ESRRB: variants seen among roughly 807,000 people sequenced by gnomAD.
The protein encoded by ESRRB is estrogen related receptor beta.
Under a neutral mutation model 46.0 loss-of-function variants are expected in ESRRB, and 16 were observed. The observed-to-expected ratio is 0.35, with a 90% confidence interval of 0.24 to 0.53. ESRRB has a LOEUF of 0.53. ESRRB is among the 20% of genes least tolerant of loss of function. ESRRB has a pLI of 0.93. For synonymous variants in ESRRB, 246 were observed against 259.6 expected (o/e 0.95, Z 0.50); for missense variants, 488 against 607.4 (o/e 0.80, Z 2.07).
At chr14:76,460,112 A>G (rs55807234) in intron 2 of ESRRB, among the ~76,000 whole-genome samples, 21,710 of 152,200 alleles carry the variant, frequency 0.14, 2,507 homozygotes, top group African/African-American at 0.33. Flanking sequence ...AACATGGTTC[A>G]TGCTTGTTTC....
chr14:76,355,638 G>A (rs888072918), intron 1 of ESRRB, among the ~76,000 whole-genome samples: 1 of 152,090 alleles, frequency 6.6e-6, no homozygotes, highest in Non-Finnish European at 1.5e-5. Flanking sequence ...TACAATGCTG[G>A]GCAGTAATAA....
intron 1 of ESRRB, among the ~76,000 whole-genome samples, chr14:76,326,727 G>A (rs930790428): frequency 8.5e-5 from 13 of 152,192 alleles, no homozygotes; most frequent in African/African-American, 3.1e-4. Context: ...GGGGCTGCAC[G>A]ACTCCCTCCT....
rs371316389 is a variant in ESRRB at position 76,360,288 on chromosome 14, G to A, written c.2+49372G>A. Among the ~76,000 whole-genome samples, 208 of 152,248 alleles carry A rather than the reference G, an allele frequency of 1.4e-3. 3 individuals are homozygous for A. In the South Asian group the frequency reaches 0.042, roughly 31 times the overall value. ...TGGTACAGCCATGCACCTTTCTAGG[G>A]TTCCTAGTGGAACCACTGGATTTCC... On this transcript the variant is annotated intron_variant, in intron 1 of 6. Transcript: ENST00000512784.
At chr14:76,367,030 T>A (rs7156267), upstream of ESRRB, among the ~76,000 whole-genome samples, 5,704 of 152,260 alleles carry the variant, frequency 0.037, 151 homozygotes, top group East Asian at 0.12. Context: ...ACTGGCTGTT[T>A]GACTTAGCCC....
chr14:76,381,435 G>A (rs1885012468), intron 1 of ESRRB, among the ~76,000 whole-genome samples: 1 of 152,194 alleles, frequency 6.6e-6, no homozygotes, highest in South Asian at 2.1e-4. Context: ...TCAGGGCAAT[G>A]ACTGGGAGAG....
chr14:76,390,089 C>T (rs553506336), intron 1 of ESRRB, among the ~76,000 whole-genome samples: 6 of 152,320 alleles, frequency 3.9e-5, no homozygotes, highest in East Asian at 1.9e-4. Flanking sequence ...GCACTGGCTC[C>T]GTCACATCCC....
At chr14:76,426,551 A>T (rs554239820) in intron 1 of ESRRB, among the ~76,000 whole-genome samples, 175 of 152,352 alleles carry the variant, frequency 1.1e-3, no homozygotes, top group Middle Eastern at 3.4e-3. Flanking sequence ...ATTAAATTAA[A>T]CTAAGACATG....
At chr14:76,373,334 C>T (rs1884668127), upstream of ESRRB, among the ~76,000 whole-genome samples, 1 of 152,088 alleles carries the variant, frequency 6.6e-6, no homozygotes, top group Admixed American at 6.5e-5. Flanking sequence ...CCCTGCCCAC[C>T]CCACTCCACC....
At position 76,438,529 on chromosome 14, in the gene ESRRB, C is replaced by T. The variant is rs577637084; in HGVS notation, c.51-812C>T. On this transcript the variant is annotated intron_variant, in intron 1 of 6. Transcript: ENST00000644823. ...AAATACAAAAATTAGCTGTGCATGA[C>T]GGCGGGTGCCTGTAATCCCAGCTAC... Among the ~76,000 whole-genome samples the T allele has an allele frequency of 7.2e-5, 11 of 152,108 alleles. No homozygotes were observed. In the East Asian group the frequency reaches 1.6e-3, roughly 21 times the overall value.
At chr14:76,473,101 C>G (rs1889436355) in intron 3 of ESRRB, among the ~76,000 whole-genome samples, 1 of 151,982 alleles carries the variant, frequency 6.6e-6, no homozygotes, top group Admixed American at 6.6e-5. Flanking sequence ...ACTTGGAGAT[C>G]TGAAAATCAA....
chr14:76,317,307 GCT>G (rs768647221), intron 1 of ESRRB, among the ~76,000 whole-genome samples: 365 of 125,316 alleles, frequency 2.9e-3, no homozygotes, highest in African/African-American at 4.6e-3. Context: ...TGCTGATTAG[GCT>G]CTGTGTGTGT....
intron 1 of ESRRB, among the ~76,000 whole-genome samples, chr14:76,344,261 A>C (rs1172822200): frequency 6.6e-6 from 1 of 152,178 alleles, no homozygotes; most frequent in Admixed American, 6.5e-5. Flanking sequence ...TTGTGCTTTT[A>C]TTTATTTTTA....
chr14:76,358,327 GAAAGAAAGAAAGAAAGAAAGAAAGA>G lies in ESRRB; in HGVS notation c.2+47414_2+47438del, dbSNP rs1884413541. Among the ~76,000 whole-genome samples the G allele has an allele frequency of 2.0e-3, 23 of 11,226 alleles. 4 individuals are homozygous for G. The highest frequency in any genetic ancestry group is 3.6e-3 in the Admixed American group (3 of 838). 7.4% of individuals were successfully genotyped at this position (11,226 alleles called of 152,430 possible). ...ACTCTGTCTCAAAAAAAAAAAAAAA[GAAAGAAAGAAAGAAAGAAAGAAAGA>G]AAGAAAGAAAGAAAGAAAGAAAGAA... On this transcript the variant is annotated intron_variant, in intron 1 of 6. Coordinates refer to the ESRRB transcript ENST00000512784.
chr14:76,314,737 CG>C lies in ESRRB; in HGVS notation c.2+3822del, dbSNP rs142482138. 8.7e-3 allele frequency among the ~76,000 whole-genome samples: 1,325 copies of C among 152,184 alleles called. 20 individuals carry two copies. Among genetic ancestry groups the C allele is most frequent in the African/African-American group, 0.031 (1,267 of 41,526 alleles). ...GCCAGAGAAGCAACTTGGCCAAGGT[CG>C]AGCAATGTCAAGGCCAAGCTGAGGT... On this transcript the variant is annotated intron_variant, in intron 1 of 6. Coordinates refer to the ESRRB transcript ENST00000512784.
chr14:76,373,675 A>G (rs1203391916), upstream of ESRRB, among the ~76,000 whole-genome samples: 2 of 152,174 alleles, frequency 1.3e-5, no homozygotes, highest in Non-Finnish European at 2.9e-5. Context: ...CAGAAAGGAA[A>G]TGAGAAAGAA....
intron 1 of ESRRB, among the ~76,000 whole-genome samples, chr14:76,319,549 C>G (rs920249502): frequency 6.6e-6 from 1 of 152,144 alleles, no homozygotes; most frequent in Non-Finnish European, 1.5e-5. Flanking sequence ...ACTATTTACT[C>G]TAGGGCACTC....
At chr14:76,471,848 T>TAA (rs1889385967) in intron 3 of ESRRB, among the ~76,000 whole-genome samples, 1 of 152,204 alleles carries the variant, frequency 6.6e-6, no homozygotes, top group Non-Finnish European at 1.5e-5. Context: ...AAGTTGCCTT[T>TAA]AGTTGCACTC....
chr14:76,372,810 C>T (rs138476057), upstream of ESRRB, among the ~76,000 whole-genome samples: 89 of 152,128 alleles, frequency 5.9e-4, no homozygotes, highest in East Asian at 0.014. Flanking sequence ...CTAGCCTGGG[C>T]GACAGAGCTG....
rs1420578384 is a variant in ESRRB at position 76,449,628 on chromosome 14, GTCT to G, written c.460+9883_460+9885del. On this transcript the variant is annotated intron_variant, in intron 2 of 6. Coordinates refer to ENST00000644823, the MANE Select transcript of ESRRB (RefSeq NM_001379180.1). ...ACTCAGGCAAGGAGCATTGATTGCG[GTCT>G]TCTTAGGACCATGTGTCTTCCCAAA... Among the ~76,000 whole-genome samples the G allele has an allele frequency of 3.3e-5, 5 of 152,228 alleles. No individual in the cohort carries two copies. In the South Asian group the frequency reaches 8.3e-4, roughly 25 times the overall value.
Sources: gnomAD v4.1 joint callset for allele counts (sites outside exome capture counted in the v4.1 genomes callset) on GRCh38, gnomAD v4.1.1 for gene constraint, MANE v1.5 for transcripts, NCBI Gene and HGNC (gene_info 2026-07-23, HGNC 2026-07-21) for gene names.